NRG1: variants seen among roughly 807,000 people sequenced by gnomAD.
NRG1 encodes neuregulin 1.
A neutral mutation model predicts 63.8 loss-of-function variants in NRG1; 18 were observed. The ratio of observed to expected loss-of-function variants is 0.28; its 90% confidence interval spans 0.19 to 0.42. The LOEUF (loss-of-function observed/expected upper bound fraction) is 0.42, where lower values mean the gene tolerates loss of function less well. NRG1 is among the 10% of genes least tolerant of loss of function. The pLI is 1.00. For synonymous variants in NRG1, 302 were observed against 301.3 expected (o/e 1.00, Z -0.02); for missense variants, 762 against 814.7 (o/e 0.94, Z 0.79).
At chr8:31,834,303 G>GCACACACACACACA (rs1164361651) in intron 1 of NRG1, among the ~76,000 whole-genome samples, 1 of 15,240 alleles carries the variant, frequency 6.6e-5, no homozygotes. Context: ...GTGCGCGCAC[G>GCACACACACACACA]CGCGCACACA....
chr8:32,372,359 C>T (rs1809013884), intron 1 of NRG1, among the ~76,000 whole-genome samples: 1 of 151,930 alleles, frequency 6.6e-6, no homozygotes, highest in Admixed American at 6.6e-5. Flanking sequence ...CATCTCCATG[C>T]TGTTTAACAA....
intron 1 of NRG1, among the ~76,000 whole-genome samples, chr8:31,644,129 T>C (rs1257664269): frequency 6.6e-6 from 1 of 152,214 alleles, no homozygotes; most frequent in Non-Finnish European, 1.5e-5. Flanking sequence ...CCAGTCAGCA[T>C]TAAAGAAAAC....
intron 1 of NRG1, among the ~76,000 whole-genome samples, chr8:31,662,794 G>A (rs1319371563): frequency 6.6e-6 from 1 of 152,130 alleles, no homozygotes; most frequent in Non-Finnish European, 1.5e-5. Context: ...TTATAGATCT[G>A]AGAAATAAAA....
chr8:32,511,830 A>G (rs1215783333), intron 1 of NRG1, among the ~76,000 whole-genome samples: 1 of 152,230 alleles, frequency 6.6e-6, no homozygotes, highest in Non-Finnish European at 1.5e-5. Flanking sequence ...ACATGAGGTT[A>G]GGAGCATGCA....
intron 5 of NRG1, among the ~76,000 whole-genome samples, chr8:32,631,459 G>C (rs1850294570): frequency 6.6e-6 from 1 of 152,176 alleles, no homozygotes; most frequent in South Asian, 2.1e-4. Context: ...TGCTGCTGGG[G>C]TAAGCGACAC....
chr8:32,647,762 G>A (rs770404915), intron 5 of NRG1: 7 of 1,598,732 alleles, frequency 4.4e-6, no homozygotes, highest in Non-Finnish European at 5.1e-6. Context: ...CCGCCGAGAG[G>A]TCCTCCAGCC....
intron 1 of NRG1, among the ~76,000 whole-genome samples, chr8:32,076,243 G>A (rs1183927006): frequency 1.3e-5 from 2 of 152,176 alleles, no homozygotes; most frequent in Non-Finnish European, 2.9e-5. Flanking sequence ...GATCTGAACT[G>A]TTAGTAACAC....
intron 11 of NRG1, among the ~76,000 whole-genome samples, chr8:32,762,038 C>CAAAAAA (rs11407724): frequency 1.7e-4 from 14 of 81,440 alleles, no homozygotes; most frequent in African/African-American, 2.7e-4. Context: ...GACTCCGCCT[C>CAAAAAA]AAAAAAAAAA....
chr8:32,223,688 T>C (rs1335118222), intron 1 of NRG1, among the ~76,000 whole-genome samples: 2 of 152,194 alleles, frequency 1.3e-5, no homozygotes, highest in South Asian at 2.1e-4. Context: ...TTGTCAACTG[T>C]ACGTGAACAT....
At chr8:32,038,490 A>G (rs1819433179) in intron 1 of NRG1, among the ~76,000 whole-genome samples, 1 of 152,180 alleles carries the variant, frequency 6.6e-6, no homozygotes, top group Non-Finnish European at 1.5e-5. Context: ...CGAATGAACA[A>G]GAGATATGAA....
intron 1 of NRG1, among the ~76,000 whole-genome samples, chr8:32,557,763 A>G (rs1835465213): frequency 1.3e-5 from 2 of 152,158 alleles, no homozygotes; most frequent in African/African-American, 2.4e-5. Context: ...CATTATGGAA[A>G]TGAGCGGGTA....
chr8:32,648,575 C>G (rs1854234462), intron 5 of NRG1, among the ~76,000 whole-genome samples: 1 of 152,112 alleles, frequency 6.6e-6, no homozygotes. Context: ...CGGATCTGAA[C>G]CAGTGTTGTA....
intron 1 of NRG1, among the ~76,000 whole-genome samples, chr8:32,065,716 G>T (rs1260027677): frequency 6.6e-6 from 1 of 152,064 alleles, no homozygotes; most frequent in African/African-American, 2.4e-5. Flanking sequence ...TGGGATTGCT[G>T]GGTCAAATGG....
intron 1 of NRG1, among the ~76,000 whole-genome samples, chr8:32,050,608 T>C (rs1035734086): frequency 6.6e-6 from 1 of 152,094 alleles, no homozygotes; most frequent in African/African-American, 2.4e-5. Context: ...CAACCATACA[T>C]AGTGTTCTCT....
At chr8:32,625,649 T>C (rs1410631849) in intron 5 of NRG1, among the ~76,000 whole-genome samples, 20 of 152,088 alleles carry the variant, frequency 1.3e-4, no homozygotes, top group Admixed American at 1.3e-3. Flanking sequence ...AAGTAACATA[T>C]AGATAGGGAT....
chr8:31,796,407 G>A (rs1031071837), intron 1 of NRG1, among the ~76,000 whole-genome samples: 21 of 128,198 alleles, frequency 1.6e-4, no homozygotes, highest in South Asian at 5.4e-4. Flanking sequence ...ATAAGATGGC[G>A]TATAATCTTT....
intron 1 of NRG1, among the ~76,000 whole-genome samples, chr8:32,341,602 G>A (rs933318561): frequency 6.6e-6 from 1 of 152,164 alleles, no homozygotes; most frequent in Non-Finnish European, 1.5e-5. Context: ...CTCCTGCCTA[G>A]TTGCCCAGGC....
chr8:32,680,748 A>G (rs779176501), intron 5 of NRG1, among the ~76,000 whole-genome samples: 7 of 152,088 alleles, frequency 4.6e-5, no homozygotes, highest in South Asian at 2.1e-4. Flanking sequence ...ATGCCCTTAA[A>G]CTTCCTTATT....
chr8:32,342,691 A>G (rs1316608358), intron 1 of NRG1, among the ~76,000 whole-genome samples: 1 of 152,250 alleles, frequency 6.6e-6, no homozygotes, highest in Non-Finnish European at 1.5e-5. Context: ...ATATTTAAGA[A>G]TACAGTTAAA....
Sources: gnomAD v4.1 joint callset for allele counts (sites outside exome capture counted in the v4.1 genomes callset) on GRCh38, gnomAD v4.1.1 for gene constraint, MANE v1.5 for transcripts, NCBI Gene and HGNC (gene_info 2026-07-23, HGNC 2026-07-21) for gene names.